TOP6BL: variants seen among roughly 807,000 people sequenced by gnomAD.
The protein encoded by TOP6BL is type 2 DNA topoisomerase 6 subunit B-like.
chr11:66,758,134 A>G, the TOP6BL span: 10 of 984,518 alleles, frequency 1.0e-5, no homozygotes, highest in African/African-American at 1.8e-5. Context: ...GGCATATTCA[A>G]TTTGAAAATA....
the TOP6BL span, among the ~76,000 whole-genome samples, chr11:66,786,288 ACT>A: frequency 6.6e-6 from 1 of 150,964 alleles, no homozygotes; most frequent in Admixed American, 6.6e-5. Context: ...ACAGAGCAAA[ACT>A]CTGTCTTAAA....
the TOP6BL span, among the ~76,000 whole-genome samples, chr11:66,745,324 C>CGGGG: frequency 1.4e-5 from 2 of 142,030 alleles, no homozygotes; most frequent in African/African-American, 5.4e-5. Flanking sequence ...TGGGGGGAGT[C>CGGGG]GGGGCGCCAG....
At chr11:66,755,953 G>T in the TOP6BL span, among the ~76,000 whole-genome samples, 1 of 152,076 alleles carries the variant, frequency 6.6e-6, no homozygotes, top group East Asian at 1.9e-4. Flanking sequence ...TAACTTGCTG[G>T]CATCTATTTC....
the TOP6BL span, among the ~76,000 whole-genome samples, chr11:66,838,617 C>T: frequency 5.9e-5 from 9 of 152,168 alleles, no homozygotes; most frequent in African/African-American, 1.9e-4. Context: ...GGTCTTCCCT[C>T]CCCAAGATGT....
chr11:66,758,296 C>CTTTTTGT, the TOP6BL span: 1 of 57,396 alleles, frequency 1.7e-5, no homozygotes, highest in African/African-American at 6.9e-5. Flanking sequence ...CTGGTATTTT[C>CTTTTTGT]TTTTTCTTTT....
the TOP6BL span, chr11:66,843,114 C>A: frequency 6.2e-7 from 1 of 1,600,452 alleles, no homozygotes; most frequent in South Asian, 1.1e-5. Context: ...GCAGGAGGTG[C>A]AGGCCACGGG....
chr11:66,800,782 C>T, the TOP6BL span: 1 of 1,244,216 alleles, frequency 8.0e-7, no homozygotes, highest in Admixed American at 2.6e-5. Context: ...AAAAGGTTCA[C>T]AGTTTGATAT....
At chr11:66,778,936 G>A in the TOP6BL span, among the ~76,000 whole-genome samples, 3 of 152,156 alleles carry the variant, frequency 2.0e-5, no homozygotes, top group Non-Finnish European at 4.4e-5. Context: ...TTAATAAATG[G>A]TGCTGGGAAA....
the TOP6BL span, among the ~76,000 whole-genome samples, chr11:66,760,906 A>G: frequency 1.3e-5 from 2 of 152,060 alleles, no homozygotes; most frequent in Non-Finnish European, 2.9e-5. Flanking sequence ...TTTAATGACA[A>G]ATTTTCTTCG....
the TOP6BL span, among the ~76,000 whole-genome samples, chr11:66,773,710 T>C: frequency 2.8e-4 from 42 of 152,276 alleles, 1 homozygote; most frequent in South Asian, 8.7e-3. Flanking sequence ...AGTTCTACGC[T>C]AAAGTCATAA....
chr11:66,776,029 A>C, the TOP6BL span, among the ~76,000 whole-genome samples: 4 of 151,388 alleles, frequency 2.6e-5, no homozygotes, highest in Admixed American at 2.6e-4. Flanking sequence ...AAATTATGAC[A>C]ACTCCATCTT....
chr11:66,751,077 G>A, the TOP6BL span, among the ~76,000 whole-genome samples: 1 of 149,804 alleles, frequency 6.7e-6, no homozygotes, highest in Non-Finnish European at 1.5e-5. Flanking sequence ...CTGCAGTGGT[G>A]CAATCACTGC....
chr11:66,779,801 G>A, the TOP6BL span, among the ~76,000 whole-genome samples: 1 of 152,104 alleles, frequency 6.6e-6, no homozygotes, highest in Non-Finnish European at 1.5e-5. Context: ...AGAAAATGTG[G>A]CACATATACC....
the TOP6BL span, chr11:66,843,119 C>A: frequency 1.9e-6 from 3 of 1,602,728 alleles, no homozygotes; most frequent in South Asian, 3.3e-5. Flanking sequence ...AGGTGCAGGC[C>A]ACGGGCCGCT....
chr11:66,808,173 GCAAAAA>G, the TOP6BL span, among the ~76,000 whole-genome samples: 1 of 152,210 alleles, frequency 6.6e-6, no homozygotes, highest in African/African-American at 2.4e-5. Context: ...ACAAGAGCTA[GCAAAAA>G]CAAAATCACA....
the TOP6BL span, among the ~76,000 whole-genome samples, chr11:66,795,582 A>G: frequency 2.6e-5 from 4 of 152,092 alleles, no homozygotes; most frequent in Non-Finnish European, 4.4e-5. Context: ...GATTACAGGC[A>G]TAAGCTAACA....
At chr11:66,797,432 T>C in the TOP6BL span, among the ~76,000 whole-genome samples, 1 of 152,196 alleles carries the variant, frequency 6.6e-6, no homozygotes, top group Admixed American at 6.6e-5. Flanking sequence ...CCTCTGTGCT[T>C]TGTTTTTTGT....
At chr11:66,824,233 G>A in the TOP6BL span, among the ~76,000 whole-genome samples, 2 of 151,804 alleles carry the variant, frequency 1.3e-5, no homozygotes, top group African/African-American at 2.4e-5. Flanking sequence ...TGGGATTAGT[G>A]CCTTTATTTT....
the TOP6BL span, among the ~76,000 whole-genome samples, chr11:66,831,116 TAAC>T: frequency 2.6e-5 from 4 of 152,230 alleles, no homozygotes; most frequent in Non-Finnish European, 4.4e-5. Context: ...TACCACATGT[TAAC>T]AAGCATGTGG....
Sources: allele counts gnomAD v4.1 joint callset (sites outside exome capture counted in the v4.1 genomes callset), GRCh38; gene constraint gnomAD v4.1.1; transcripts MANE v1.5; gene names NCBI Gene and HGNC (gene_info 2026-07-23, HGNC 2026-07-21).